GPC6: variants seen among roughly 807,000 people sequenced by gnomAD.
GPC6 encodes glypican 6, also known as glypican-6.
GPC6 carries 14 observed loss-of-function variants against 55.2 expected under a neutral mutation model. The observed-to-expected ratio is 0.25, with a 90% CI of 0.17 to 0.40. The LOEUF is 0.40. GPC6 is among the 10% of genes least tolerant of loss of function. The probability of loss-of-function intolerance (pLI) is 1.00; values close to 1 mark genes in which losing one functional copy is unlikely to be tolerated. For synonymous variants in GPC6, 278 were observed against 259.6 expected, an observed-to-expected ratio of 1.07 and a Z score of -0.68; for missense variants, 641 against 708.5, an observed-to-expected ratio of 0.90 and a Z score of 1.08.
At chr13:93,676,410 C>G (rs1194499736) in intron 2 of GPC6, among the ~76,000 whole-genome samples, 1 of 150,622 alleles carries the variant, frequency 6.6e-6, no homozygotes, top group East Asian at 2.0e-4. Context: ...GAGTGAGACT[C>G]CATCTCAAAA....
chr13:93,421,388 C>T (rs1172358037), intron 1 of GPC6, among the ~76,000 whole-genome samples: 4 of 151,934 alleles, frequency 2.6e-5, no homozygotes, highest in Non-Finnish European at 5.9e-5. Flanking sequence ...GTAGTACTGG[C>T]TTTTAGCATT....
chr13:93,939,540 A>C, intron 3 of GPC6, among the ~76,000 whole-genome samples: 1 of 152,194 alleles, frequency 6.6e-6, no homozygotes, highest in African/African-American at 2.4e-5. Flanking sequence ...AGAAAGGCTT[A>C]GAGTTACGTT....
At chr13:93,508,211 T>C (rs1221925874) in intron 1 of GPC6, among the ~76,000 whole-genome samples, 2 of 152,338 alleles carry the variant, frequency 1.3e-5, no homozygotes, top group East Asian at 1.9e-4. Flanking sequence ...GGATAGTCCA[T>C]TGGAAAACAA....
intron 2 of GPC6, among the ~76,000 whole-genome samples, chr13:93,763,423 C>T (rs1170441184): frequency 2.0e-5 from 3 of 152,128 alleles, no homozygotes. Context: ...CAGAATGAAG[C>T]CCCAGAAGGG....
At position 93,345,698 on chromosome 13, in the gene GPC6, G is replaced by A. The variant is rs572289402; in HGVS notation, c.160+118082G>A. Among the ~76,000 whole-genome samples, 378 of 152,260 alleles carry A rather than the reference G, an allele frequency of 2.5e-3. 3 individuals carry two copies. The highest frequency in any genetic ancestry group is 4.3e-3 in the Non-Finnish European group (291 of 68,006). On this transcript the variant is annotated intron_variant, in intron 1 of 8. Transcript: ENST00000377047. ...TGCATGCAATAGGGCCATTTTGTTG[G>A]TAAAATTAGCTGATGATGGATTTTC...
upstream of GPC6, among the ~76,000 whole-genome samples, chr13:93,224,510 G>C (rs1286864907): frequency 6.6e-6 from 1 of 152,180 alleles, no homozygotes; most frequent in East Asian, 1.9e-4. Flanking sequence ...GCTTCCTCTT[G>C]TATGGCATTT....
intron 4 of GPC6, among the ~76,000 whole-genome samples, chr13:94,044,420 A>AT (rs1883650931): frequency 6.6e-6 from 1 of 151,858 alleles, no homozygotes; most frequent in Non-Finnish European, 1.5e-5. Context: ...GTTCAAAAAA[A>AT]TTGCAGCCTC....
chr13:93,558,584 A>G (rs1875599245), intron 2 of GPC6, among the ~76,000 whole-genome samples: 1 of 152,218 alleles, frequency 6.6e-6, no homozygotes, highest in Admixed American at 6.5e-5. Flanking sequence ...ATGATGAAAC[A>G]AAGCTTGAAC....
At chr13:94,198,137 T>C (rs1268419916) in intron 4 of GPC6, among the ~76,000 whole-genome samples, 1 of 152,160 alleles carries the variant, frequency 6.6e-6, no homozygotes, top group Non-Finnish European at 1.5e-5. Context: ...GTTAAGTACT[T>C]TTTTTTCTGT....
At position 93,320,804 on chromosome 13, in the gene GPC6, G is replaced by A. The variant is rs77423065; in HGVS notation, c.160+93188G>A. ...CTTTCTTTTCTGTTCAACTACTAAT[G>A]CTTTACAAATAAGAACCGGTGTTCA... On this transcript the variant is annotated intron_variant, in intron 1 of 8. Coordinates refer to ENST00000377047, the MANE Select transcript of GPC6 (RefSeq NM_005708.5). Among the ~76,000 whole-genome samples, 776 of 152,204 alleles carry A rather than the reference G, an allele frequency of 5.1e-3. 4 individuals are homozygous for A. Among genetic ancestry groups the A allele is most frequent in the African/African-American group, 0.018 (734 of 41,534 alleles).
intron 4 of GPC6, among the ~76,000 whole-genome samples, chr13:94,128,576 CAG>C (rs1886902752): frequency 6.6e-6 from 1 of 152,146 alleles, no homozygotes; most frequent in African/African-American, 2.4e-5. Context: ...GCAGGAAAGA[CAG>C]AGCTCTGGCT....
intron 4 of GPC6, among the ~76,000 whole-genome samples, chr13:94,149,332 C>T (rs1405681371): frequency 6.6e-6 from 1 of 152,004 alleles, no homozygotes; most frequent in Admixed American, 6.6e-5. Flanking sequence ...CCTGCTTGTC[C>T]CCAGGAAAAG....
chr13:93,680,825 TCC>T (rs1881821219), intron 2 of GPC6, among the ~76,000 whole-genome samples: 2 of 152,096 alleles, frequency 1.3e-5, no homozygotes, highest in African/African-American at 4.8e-5. Flanking sequence ...GTTTTTGGCC[TCC>T]CTTTTTGAGA....
At chr13:93,600,024 C>T (rs1324571922) in intron 2 of GPC6, among the ~76,000 whole-genome samples, 3 of 152,126 alleles carry the variant, frequency 2.0e-5, no homozygotes, top group African/African-American at 7.2e-5. Context: ...ATTGAACTTC[C>T]AGGGATAGGT....
intron 4 of GPC6, among the ~76,000 whole-genome samples, chr13:94,029,750 G>A (rs1883040744): frequency 6.6e-6 from 1 of 152,172 alleles, no homozygotes; most frequent in African/African-American, 2.4e-5. Flanking sequence ...TTTTTAACTT[G>A]TAAGAGCAGC....
At chr13:94,082,863 C>T (rs906109325) in intron 4 of GPC6, among the ~76,000 whole-genome samples, 6 of 152,186 alleles carry the variant, frequency 3.9e-5, no homozygotes, top group Non-Finnish European at 7.3e-5. Context: ...ATCATCAATT[C>T]GTCTCTAGTA....
chr13:93,701,461 G>T (rs767142376), intron 2 of GPC6, among the ~76,000 whole-genome samples: 7 of 151,974 alleles, frequency 4.6e-5, no homozygotes, highest in African/African-American at 1.7e-4. Context: ...CTGATGGAGG[G>T]TATTGTCTCA....
chr13:93,853,468 C>T (rs1255994901), intron 3 of GPC6, among the ~76,000 whole-genome samples: 5 of 151,548 alleles, frequency 3.3e-5, no homozygotes, highest in Non-Finnish European at 7.4e-5. Flanking sequence ...AGTCTTTAAT[C>T]AAATTTTTAC....
intron 2 of GPC6, among the ~76,000 whole-genome samples, chr13:93,546,618 G>A (rs542560945): frequency 6.6e-6 from 1 of 152,286 alleles, no homozygotes; most frequent in Non-Finnish European, 1.5e-5. Flanking sequence ...TTATTTAGCG[G>A]TGATGCTGTG....
Sources: allele counts gnomAD v4.1 joint callset (sites outside exome capture counted in the v4.1 genomes callset), GRCh38; gene constraint gnomAD v4.1.1; transcripts MANE v1.5; gene names NCBI Gene and HGNC (gene_info 2026-07-23, HGNC 2026-07-21).